The following CASQ2 variants were observed in gnomAD, a reference collection of about 807,000 sequenced individuals.
CASQ2 encodes calsequestrin 2, also known as calsequestrin-2.
A neutral mutation model predicts 46.5 loss-of-function variants in CASQ2; 49 were observed. The ratio of observed to expected loss-of-function variants is 1.05; its 90% CI spans 0.84 to 1.34. The LOEUF is 1.34. Ranked by LOEUF, CASQ2 falls within the 40% of genes most tolerant of loss-of-function variation. The pLI is 0.00. For missense variants in CASQ2, 486 were observed against 481.3 expected, an observed-to-expected ratio of 1.01 and a Z score of -0.09; for synonymous variants, 174 against 168.5, an observed-to-expected ratio of 1.03 and a Z score of -0.25.
chr1:115,744,051 C>A (rs576650014), intron 2 of CASQ2, among the ~76,000 whole-genome samples: 191 of 148,844 alleles, frequency 1.3e-3, no homozygotes, highest in Non-Finnish European at 2.4e-3. Flanking sequence ...GGCTGAGGCA[C>A]AAGAATCGCT....
At chr1:115,708,601 G>A (rs1049034734) in intron 8 of CASQ2, among the ~76,000 whole-genome samples, 6 of 152,294 alleles carry the variant, frequency 3.9e-5, no homozygotes, top group Middle Eastern at 3.4e-3. Flanking sequence ...CTACTTCGTC[G>A]GGTAGTTGTG....
chr1:115,709,518 G>A (rs1654475123), intron 8 of CASQ2, among the ~76,000 whole-genome samples: 1 of 152,218 alleles, frequency 6.6e-6, no homozygotes, highest in Admixed American at 6.5e-5. Flanking sequence ...GTACTATTCA[G>A]AGATGTGTAG....
chr1:115,730,996 C>A (rs1647763435), intron 5 of CASQ2, among the ~76,000 whole-genome samples: 1 of 152,208 alleles, frequency 6.6e-6, no homozygotes. Context: ...ACTCCACCAT[C>A]TCCCCTTGGA....
chr1:115,760,585 A>G (rs934952229), intron 1 of CASQ2, among the ~76,000 whole-genome samples: 1 of 152,208 alleles, frequency 6.6e-6, no homozygotes, highest in African/African-American at 2.4e-5. Context: ...TTTAAGCGTC[A>G]GGTTTCAAGT....
At chr1:115,710,856 C>A (rs1235743511) in intron 8 of CASQ2, among the ~76,000 whole-genome samples, 1 of 152,184 alleles carries the variant, frequency 6.6e-6, no homozygotes, top group Admixed American at 6.5e-5. Context: ...AGGTTTCCCA[C>A]GGCAAGCGAC....
intron 5 of CASQ2, among the ~76,000 whole-genome samples, chr1:115,731,305 C>T (rs998381331): frequency 3.3e-5 from 5 of 152,168 alleles, no homozygotes; most frequent in African/African-American, 1.2e-4. Context: ...CGTTGAACCA[C>T]CCCTCTAAAA....
intron 1 of CASQ2, among the ~76,000 whole-genome samples, chr1:115,753,203 AGAGGTCAAGGCTT>A (rs892209170): frequency 6.6e-6 from 1 of 152,138 alleles, no homozygotes; most frequent in African/African-American, 2.4e-5. Context: ...GTCCTGCGTG[AGAGGTCAAGGCTT>A]GAGGACAGGT....
At chr1:115,746,460 T>C (rs9428214) in intron 1 of CASQ2, among the ~76,000 whole-genome samples, 66,415 of 152,174 alleles carry the variant, frequency 0.44, 16,861 homozygotes, top group Non-Finnish European at 0.58. Flanking sequence ...AAGGTATGAA[T>C]AATCCAGTTT....
At chr1:115,725,385 T>G in intron 7 of CASQ2, 123 bp downstream of exon 7, 2 of 1,071,480 alleles carry the variant, frequency 1.9e-6, no homozygotes, top group Non-Finnish European at 2.9e-6. Context: ...TTTCAAATAC[T>G]CATCTAGACA....
intron 7 of CASQ2, 28 bp from the exon 8 acceptor site, chr1:115,717,922 AC>A: frequency 6.6e-7 from 1 of 1,516,168 alleles, no homozygotes; most frequent in Non-Finnish European, 9.2e-7. Flanking sequence ...CAAAAGTTAC[AC>A]TTCCAGCTGG....
chr1:115,755,899 C>T (rs1369225706), intron 1 of CASQ2, among the ~76,000 whole-genome samples: 2 of 152,236 alleles, frequency 1.3e-5, no homozygotes, highest in Non-Finnish European at 1.5e-5. Context: ...TCCCAGCTGG[C>T]TCTAACTCCA....
In CASQ2 at chr1:115,726,976, A is replaced by G. The variant is rs561394541; in HGVS notation, c.737+16T>C. On this transcript the variant is annotated intron_variant, in intron 6 of 10. Transcript: ENST00000261448. ...CAGACCCCAGGCCCCCAGCCCCCAC[A>G]TGCCATCTCAGGCACCTTTGGTGTT... The G allele has an allele frequency of 3.3e-6, 5 of 1,494,110 alleles. No individual in the cohort carries two copies. Among genetic ancestry groups the G allele is most frequent in the East Asian group, 5.0e-5 (2 of 40,228 alleles). The allele number at this position is 1,494,110 out of a possible 1,614,324, so 92.6% of individuals were successfully genotyped here.
chr1:115,732,294 G>A (rs1201688100), intron 5 of CASQ2: 1 of 153,006 alleles, frequency 6.5e-6, no homozygotes, highest in Non-Finnish European at 1.5e-5. Flanking sequence ...CAACTAATTA[G>A]GATAAACATT....
chr1:115,755,233 T>C (rs1648718910), intron 1 of CASQ2, among the ~76,000 whole-genome samples: 1 of 152,226 alleles, frequency 6.6e-6, no homozygotes, highest in African/African-American at 2.4e-5. Context: ...TTGACTGACA[T>C]GGGGCAAGGC....
chr1:115,702,281 A>T (rs372717088), intron 10 of CASQ2, among the ~76,000 whole-genome samples: 1 of 152,268 alleles, frequency 6.6e-6, no homozygotes, highest in East Asian at 1.9e-4. Context: ...ATCCTCTGTG[A>T]TCATCCCTTT....
Position 115,701,176 on chromosome 1 carries a change from C to T in CASQ2, c.*65G>A. 1.2e-6 allele frequency: 2 copies of T among 1,612,402 alleles called. No individual in the cohort carries two copies. The highest frequency in any genetic ancestry group is 1.1e-5 in the South Asian group (1 of 90,994). ...GTGGGGCAGAATTGCTTGCTGCCAC[C>T]TTGTGCTGTCTGTATGGTAGTGGGT... On this transcript the variant is annotated 3_prime_UTR_variant, in exon 11 of 11. Coordinates refer to ENST00000261448, the MANE Select transcript of CASQ2 (RefSeq NM_001232.4).
chr1:115,725,595 G>C, intron 6 of CASQ2, 42 bp from the exon 7 acceptor site: 3 of 1,575,376 alleles, frequency 1.9e-6, no homozygotes, highest in Middle Eastern at 1.9e-4. Flanking sequence ...GAGCTTCCTT[G>C]AGTAGGGATC....
intron 1 of CASQ2, among the ~76,000 whole-genome samples, chr1:115,763,487 C>A (rs1366074326): frequency 6.6e-6 from 1 of 152,126 alleles, no homozygotes; most frequent in Non-Finnish European, 1.5e-5. Context: ...AGCAAGATGG[C>A]TGCATTTCCA....
At chr1:115,732,684 A>T (rs1647829604) in intron 5 of CASQ2, among the ~76,000 whole-genome samples, 1 of 152,192 alleles carries the variant, frequency 6.6e-6, no homozygotes, top group South Asian at 2.1e-4. Flanking sequence ...TTTTCCTTGG[A>T]TGTTTTCATA....
Sources: gnomAD v4.1 joint callset for allele counts (sites outside exome capture counted in the v4.1 genomes callset) on GRCh38, gnomAD v4.1.1 for gene constraint, MANE v1.5 for transcripts, NCBI Gene and HGNC (gene_info 2026-07-23, HGNC 2026-07-21) for gene names.